ZNF225: variants seen among roughly 807,000 people sequenced by gnomAD.
The protein encoded by ZNF225 is zinc finger protein 225.
ZNF225 carries 6 observed loss-of-function variants against 12.0 expected under a neutral mutation model. The ratio of observed to expected loss-of-function variants is 0.50; its 90% CI spans 0.27 to 0.98. The LOEUF (loss-of-function observed/expected upper bound fraction) is 0.98, where lower values mean the gene tolerates loss of function less well. Ranked by LOEUF, ZNF225 falls within the 50% of genes least tolerant of loss-of-function variation. ZNF225 has a pLI of 0.11. For missense variants in ZNF225, 763 were observed against 848.2 expected (o/e 0.90, Z 1.25); for synonymous variants, 271 against 283.2 (o/e 0.96, Z 0.43).
intron 4 of ZNF225, chr19:44,129,405 G>C (rs2284981): frequency 0.7 from 144,090 of 204,594 alleles, 54,015 homozygotes; most frequent in Non-Finnish European, 0.84. Context: ...AAGTAAGACA[G>C]AGTCCAGGGA....
In ZNF225 at chr19:44,131,946, C is replaced by G; in HGVS notation, c.1332C>G (p.Asp444Glu). ...GKGYKRRLDLDFHQRVHRGEK... is the reference protein window; with the variant it reads ...GKGYKRRLDLEFHQRVHRGEK... ...GCTACAAAAGGAGGTTGGATCTTGA[C>G]TTTCATCAGAGGGTCCACAGAGGAG... is the stretch of plus-strand genomic sequence containing the variant. The change falls in exon 5 of 5, where the codon GAC (aspartate) becomes GAG (glutamate). Residue 444 changes from aspartate (D) to glutamate (E), a missense_variant. Physicochemically the swap from Asp to Glu is conservative, Grantham distance 45. Transcript: ENST00000262894. 1.9e-6 allele frequency: 3 copies of G among 1,613,320 alleles called. No homozygotes were observed. The highest frequency in any genetic ancestry group is 1.7e-6 in the Non-Finnish European group (2 of 1,179,800).
rs569804394 is a variant in ZNF225, at chr19:44,132,469, A to G, written c.1855A>G (p.Thr619Ala). The G allele has an allele frequency of 9.3e-6, 15 of 1,614,192 alleles. No individual in the cohort carries two copies. The South Asian group carries it at 1.1e-4, about 12-fold the overall frequency. Reference sequence around the variant, plus strand: ...GCTTCATTCCCATCAGAGGGTTCACACTGGGGAAAAGCCATACAAATGTGA... The same window carrying G: ...GCTTCATTCCCATCAGAGGGTTCACGCTGGGGAAAAGCCATACAAATGTGA... ...SQLHSHQRVH[T>A]GEKPYKCEKC... The change falls in exon 5 of 5, where the codon ACT becomes GCT. Residue 619 changes from threonine (T) to alanine (A), a missense_variant. Coordinates refer to ENST00000262894, the MANE Select transcript of ZNF225 (RefSeq NM_013362.4).
At chr19:44,118,362 T>G (rs1367436014) in intron 3 of ZNF225, 48 bp downstream of exon 3, 1 of 1,609,766 alleles carries the variant, frequency 6.2e-7, no homozygotes, top group Non-Finnish European at 8.5e-7. Flanking sequence ...CAGGAGTGGC[T>G]TTGTATCCTA....
At chr19:44,123,637 T>A (rs1435142457) in intron 4 of ZNF225, among the ~76,000 whole-genome samples, 1 of 152,094 alleles carries the variant, frequency 6.6e-6, no homozygotes, top group Non-Finnish European at 1.5e-5. Flanking sequence ...TTTTTTTGTT[T>A]GTAATTTTTA....
At chr19:44,118,412 C>G in intron 3 of ZNF225, 70 bp from the exon 4 acceptor site, 2 of 1,611,036 alleles carry the variant, frequency 1.2e-6, no homozygotes, top group Non-Finnish European at 1.7e-6. Flanking sequence ...ACCTAAGTTT[C>G]CAGTAAATTT....
At chr19:44,114,000 T>C (rs13345516) in intron 1 of ZNF225, 11,981 of 299,886 alleles carry the variant, frequency 0.04, 1,430 homozygotes, top group African/African-American at 0.24. Context: ...TCTCCCTGAT[T>C]CCTGCAAGAC....
intron 4 of ZNF225, chr19:44,128,402 C>T (rs1968189390): frequency 1.3e-5 from 2 of 152,162 alleles, no homozygotes; most frequent in South Asian, 2.1e-4. Flanking sequence ...GGAAACTGCC[C>T]TCTCAAAATG....
chr19:44,115,070 C>T (rs1294633821), intron 1 of ZNF225, among the ~76,000 whole-genome samples: 1 of 152,104 alleles, frequency 6.6e-6, no homozygotes, highest in Non-Finnish European at 1.5e-5. Context: ...AAGGTGAACT[C>T]TCCCTTCTCC....
At chr19:44,112,735 T>C (rs1367620232), upstream of ZNF225, 2 of 152,232 alleles carry the variant, frequency 1.3e-5, no homozygotes, top group African/African-American at 2.4e-5. Flanking sequence ...ACTATAATAG[T>C]GGCAACGGAA....
At chr19:44,129,325 C>A in intron 4 of ZNF225, 1 of 348,796 alleles carries the variant, frequency 2.9e-6, no homozygotes. Context: ...AAATTATTTT[C>A]ATGTTCCATA....
At chr19:44,121,520 A>G (rs1968056986) in intron 4 of ZNF225, among the ~76,000 whole-genome samples, 1 of 152,190 alleles carries the variant, frequency 6.6e-6, no homozygotes, top group South Asian at 2.1e-4. Context: ...CAGTAGTGGG[A>G]TTGCTGGATC....
At chr19:44,117,852 C>T (rs1312461526) in intron 2 of ZNF225, among the ~76,000 whole-genome samples, 2 of 152,060 alleles carry the variant, frequency 1.3e-5, no homozygotes, top group African/African-American at 4.8e-5. Flanking sequence ...AACCCCATCT[C>T]TATTAAAAAT....
chr19:44,122,290 G>A (rs527378739), intron 4 of ZNF225, among the ~76,000 whole-genome samples: 4 of 152,154 alleles, frequency 2.6e-5, no homozygotes, highest in East Asian at 1.9e-4. Flanking sequence ...TTGCTTTGTC[G>A]AAGATCAATT....
At position 44,132,305 on chromosome 19, in the gene ZNF225, G is replaced by A; in HGVS notation, c.1691G>A (p.Gly564Glu). 1.2e-6 allele frequency: 2 copies of A among 1,614,070 alleles called. No individual in the cohort carries two copies. Among genetic ancestry groups the A allele is most frequent in the Middle Eastern group, 1.6e-4 (1 of 6,062 alleles). Residue 564 changes from glycine (G) to glutamate (E), a missense_variant, in exon 5 of 5, where the codon GGA becomes GAA. Coordinates refer to ENST00000262894, the MANE Select transcript of ZNF225 (RefSeq NM_013362.4). ...NLDMHQRVHTGERPYNCKECG... is the reference protein window; with the variant it reads ...NLDMHQRVHTEERPYNCKECG... ...GACATGCACCAGAGGGTCCACACCG[G>A]AGAGAGACCTTATAATTGTAAAGAA...
At chr19:44,123,203 C>T (rs1011665179) in intron 4 of ZNF225, among the ~76,000 whole-genome samples, 1 of 152,106 alleles carries the variant, frequency 6.6e-6, no homozygotes, top group Admixed American at 6.6e-5. Context: ...AATCATAAAG[C>T]GTTGCTGGAT....
rs367971085 is a variant in ZNF225, at chr19:44,119,023, A to G, written c.235+449A>G. Among the ~76,000 whole-genome samples, 309 of 152,100 alleles carry G rather than the reference A, an allele frequency of 2.0e-3. 5 individuals carry two copies. The East Asian group carries it at 0.039, about 19-fold the overall frequency. ...AGTAGAGACGGGGTTTCACCGTGTTAGCCAGGATGGTCTCGATCTCCTGAC... is the reference window on the plus strand; with the variant it reads ...AGTAGAGACGGGGTTTCACCGTGTTGGCCAGGATGGTCTCGATCTCCTGAC... On this transcript the variant is annotated intron_variant, in intron 4 of 4. Transcript: ENST00000262894.
At chr19:44,115,601 C>T (rs529203219) in intron 1 of ZNF225, 159 bp from the exon 2 acceptor site, 5 of 452,276 alleles carry the variant, frequency 1.1e-5, no homozygotes, top group Middle Eastern at 5.3e-4. Flanking sequence ...TATCCATGTA[C>T]GCATAGGAGG....
At chr19:44,114,532 A>C (rs1360185950) in intron 1 of ZNF225, among the ~76,000 whole-genome samples, 1 of 151,540 alleles carries the variant, frequency 6.6e-6, no homozygotes, top group Non-Finnish European at 1.5e-5. Context: ...TTTTCTTGAG[A>C]CGGAGTTTCG....
Position 44,118,323 on chromosome 19 carries a change from A to G in ZNF225, c.142+9A>G, listed in dbSNP as rs771471890. ...GAACCTGCTCTCAGTGGGTGAGGAC[A>G]GGCACCCTTTGTAAGGGAACATCAG... On this transcript the variant is annotated intron_variant, in intron 3 of 4. Coordinates refer to ENST00000262894, the MANE Select transcript of ZNF225 (RefSeq NM_013362.4). The G allele has an allele frequency of 7.4e-6, 12 of 1,611,370 alleles. No individual in the cohort carries two copies. The highest frequency in any genetic ancestry group is 8.5e-6 in the Non-Finnish European group (10 of 1,178,970).
Sources: gnomAD v4.1 joint callset for allele counts (sites outside exome capture counted in the v4.1 genomes callset) on GRCh38, gnomAD v4.1.1 for gene constraint, MANE v1.5 for transcripts, NCBI Gene and HGNC (gene_info 2026-07-23, HGNC 2026-07-21) for gene names.